Variants in PDE4B observed in about 807,000 individuals in gnomAD.
PDE4B encodes the protein phosphodiesterase 4B.
A neutral mutation model predicts 82.2 loss-of-function variants in PDE4B; 20 were observed. The observed-to-expected ratio is 0.24, with a 90% CI of 0.17 to 0.35. The LOEUF (loss-of-function observed/expected upper bound fraction) is 0.35. Ranked by LOEUF, PDE4B falls within the 10% of genes least tolerant of loss-of-function variation. The pLI is 1.00. For synonymous variants in PDE4B, 320 were observed against 318.9 expected (o/e 1.00, Z -0.04); for missense variants, 655 against 907.2 (o/e 0.72, Z 3.57).
In PDE4B at chr1:66,368,890, AG is replaced by A; in HGVS notation, c.1769del (p.Gly590GlufsTer56). 6.2e-7 allele frequency: 1 copy of A among 1,613,772 alleles called. No individual in the cohort carries two copies. Among genetic ancestry groups the A allele is most frequent in the South Asian group, 1.1e-5 (1 of 91,048 alleles). Reference protein sequence around the residue: ...TDRIMEEFFQQGDKERERGME... With the variant: ...TDRIMEEFFQXGDKERERGME... ...CGCATCATGGAGGAATTTTTCCAGC[AG>A]GGAGACAAAGAGCGGGAGAGGGGAA... is the stretch of plus-strand genomic sequence containing the variant. On this transcript the variant is annotated frameshift_variant, in exon 16 of 17. Coordinates refer to ENST00000341517, the MANE Select transcript of PDE4B (RefSeq NM_002600.4). LOFTEE classifies it high-confidence loss of function.
chr1:65,811,622 T>A (rs1645821752), intron 1 of PDE4B, among the ~76,000 whole-genome samples: 1 of 152,238 alleles, frequency 6.6e-6, no homozygotes, highest in Non-Finnish European at 1.5e-5. Context: ...TTTCCTCATT[T>A]GTTTGTGACT....
chr1:66,133,748 T>G (rs1645999167), intron 3 of PDE4B, among the ~76,000 whole-genome samples: 1 of 152,194 alleles, frequency 6.6e-6, no homozygotes, highest in African/African-American at 2.4e-5. Flanking sequence ...CTTCCTGGTG[T>G]CTTGCTACCT....
intron 3 of PDE4B, among the ~76,000 whole-genome samples, chr1:66,082,114 G>A (rs1656772648): frequency 6.6e-6 from 1 of 151,986 alleles, no homozygotes; most frequent in Non-Finnish European, 1.5e-5. Context: ...GAATATGATA[G>A]CATTCACTCC....
chr1:66,162,305 CTTTTTTTTTTTTTTT>C (rs1168144080), intron 3 of PDE4B, among the ~76,000 whole-genome samples: 3 of 40,304 alleles, frequency 7.4e-5, no homozygotes, highest in South Asian at 1.2e-3. Context: ...ATGGACTTCT[CTTTTTTTTTTTTTTT>C]TTTTTTTTTT....
chr1:66,169,416 G>A (rs1449911583), intron 3 of PDE4B, among the ~76,000 whole-genome samples: 1 of 152,184 alleles, frequency 6.6e-6, no homozygotes, highest in Non-Finnish European at 1.5e-5. Flanking sequence ...CAGTCACACT[G>A]TTATTTCTTT....
rs1035588138 is a variant in PDE4B, at chr1:66,111,502, A to T, written c.282-135958A>T. On this transcript the variant is annotated intron_variant, in intron 3 of 16. Transcript: ENST00000341517. ...TTGGCTATTCTAGACACTGAATATA[A>T]GTAGACTCATAGAATATTGTCCTTT... Among the ~76,000 whole-genome samples the T allele has an allele frequency of 2.6e-5, 4 of 152,248 alleles. No individual in the cohort carries two copies. In the South Asian group the frequency reaches 8.3e-4, roughly 32 times the overall value.
intron 1 of PDE4B, among the ~76,000 whole-genome samples, chr1:65,797,101 C>T (rs1163035906): frequency 1.3e-5 from 2 of 151,780 alleles, no homozygotes; most frequent in African/African-American, 2.4e-5. Flanking sequence ...TACAGGTGCC[C>T]GCCACCACGC....
intron 3 of PDE4B, among the ~76,000 whole-genome samples, chr1:66,133,911 T>G (rs1646001735): frequency 6.6e-6 from 1 of 152,164 alleles, no homozygotes; most frequent in Non-Finnish European, 1.5e-5. Flanking sequence ...CTTTCTGACT[T>G]TCCCTATTTC....
intron 1 of PDE4B, among the ~76,000 whole-genome samples, chr1:65,830,658 G>A (rs1646071752): frequency 6.6e-6 from 1 of 152,056 alleles, no homozygotes; most frequent in African/African-American, 2.4e-5. Context: ...ATCTGTAGAG[G>A]TCATCAAAAG....
At chr1:65,799,042 A>G (rs983578117) in intron 1 of PDE4B, among the ~76,000 whole-genome samples, 1 of 152,234 alleles carries the variant, frequency 6.6e-6, no homozygotes, top group Non-Finnish European at 1.5e-5. Context: ...CATTATTTCC[A>G]TAAGCAACTT....
intron 7 of PDE4B, among the ~76,000 whole-genome samples, chr1:66,287,289 GA>G (rs1195349419): frequency 6.6e-6 from 1 of 152,090 alleles, no homozygotes; most frequent in Non-Finnish European, 1.5e-5. Flanking sequence ...TTTGACATCA[GA>G]AACTCACAAG....
chr1:66,343,284 G>A (rs1661153182), intron 8 of PDE4B, among the ~76,000 whole-genome samples: 2 of 152,048 alleles, frequency 1.3e-5, no homozygotes, highest in East Asian at 1.9e-4. Flanking sequence ...TATGGCTTAA[G>A]AATATTATCA....
chr1:65,816,161 C>T (rs535245283), intron 1 of PDE4B, among the ~76,000 whole-genome samples: 5 of 146,704 alleles, frequency 3.4e-5, no homozygotes, highest in Non-Finnish European at 7.5e-5. Flanking sequence ...AGTGTGATTC[C>T]TGTTTCTGTT....
chr1:66,049,873 G>A, intron 3 of PDE4B, among the ~76,000 whole-genome samples: 1 of 151,766 alleles, frequency 6.6e-6, no homozygotes, highest in East Asian at 1.9e-4. Context: ...TTGGATCCCG[G>A]GTTACCTTTT....
intron 10 of PDE4B, among the ~76,000 whole-genome samples, chr1:66,362,912 A>G (rs1286743594): frequency 1.3e-5 from 2 of 152,204 alleles, no homozygotes; most frequent in African/African-American, 2.4e-5. Context: ...TGCATGTCCA[A>G]TATAGGTCAG....
At chr1:66,216,312 C>T (rs990823733) in intron 3 of PDE4B, among the ~76,000 whole-genome samples, 2 of 151,760 alleles carry the variant, frequency 1.3e-5, no homozygotes, top group Admixed American at 6.6e-5. Context: ...GGCCTCATTT[C>T]CTGTTGGTTC....
intron 8 of PDE4B, among the ~76,000 whole-genome samples, chr1:66,349,805 A>G (rs1217361581): frequency 3.9e-5 from 6 of 152,316 alleles, no homozygotes; most frequent in Middle Eastern, 3.4e-3. Flanking sequence ...TTAGACAAGC[A>G]CACTATATCC....
chr1:66,221,527 T>C (rs1432740353), intron 3 of PDE4B, among the ~76,000 whole-genome samples: 1 of 152,214 alleles, frequency 6.6e-6, no homozygotes, highest in Admixed American at 6.5e-5. Flanking sequence ...CTCTGAAATA[T>C]ACAGGCAGTA....
At chr1:66,038,956 C>T (rs1030259912) in intron 3 of PDE4B, among the ~76,000 whole-genome samples, 4 of 151,836 alleles carry the variant, frequency 2.6e-5, no homozygotes, top group African/African-American at 9.7e-5. Context: ...CTCAGAAGTC[C>T]TATTCAGTAA....
Sources: gnomAD v4.1 joint callset for allele counts (sites outside exome capture counted in the v4.1 genomes callset) on GRCh38, gnomAD v4.1.1 for gene constraint, MANE v1.5 for transcripts, NCBI Gene and HGNC (gene_info 2026-07-23, HGNC 2026-07-21) for gene names.